Variants in SLC29A3 observed in about 807,000 individuals in gnomAD.
The protein encoded by SLC29A3 is equilibrative nucleoside transporter 3.
A neutral mutation model predicts 25.4 loss-of-function variants in SLC29A3; 18 were observed. That is an observed-to-expected ratio of 0.71 (90% CI 0.49 to 1.05). The LOEUF (loss-of-function observed/expected upper bound fraction) is 1.05. Ranked by LOEUF, SLC29A3 falls within the 50% of genes least tolerant of loss-of-function variation. SLC29A3 has a pLI of 0.00. For synonymous variants in SLC29A3, 258 were observed against 267.1 expected, an observed-to-expected ratio of 0.97 and a Z score of 0.33; for missense variants, 586 against 609.0, an observed-to-expected ratio of 0.96 and a Z score of 0.40.
chr10:71,340,529 G>A (rs1846375422), intron 2 of SLC29A3, among the ~76,000 whole-genome samples: 1 of 152,178 alleles, frequency 6.6e-6, no homozygotes, highest in East Asian at 1.9e-4. Context: ...AATCAAAACA[G>A]ACTTTTGAGG....
At chr10:71,355,881 T>G (rs1220328686) in intron 4 of SLC29A3, among the ~76,000 whole-genome samples, 200 bp from the exon 5 acceptor site, 1 of 152,164 alleles carries the variant, frequency 6.6e-6, no homozygotes, top group Non-Finnish European at 1.5e-5. Flanking sequence ...AATGACCCCC[T>G]TGGAAACTCA....
At chr10:71,327,567 A>T (rs933359102) in intron 2 of SLC29A3, among the ~76,000 whole-genome samples, 3 of 152,194 alleles carry the variant, frequency 2.0e-5, no homozygotes, top group African/African-American at 7.2e-5. Context: ...CCAGAGGCTC[A>T]GAGAGGCTAG....
rs1845871532 is a variant in SLC29A3, at chr10:71,322,657, G to A, written c.2-99G>A. On this transcript the variant is annotated intron_variant, in intron 1 of 5. Transcript: ENST00000373189. ...TGACTTTACAGAGCCCAGGGTGAGGGGGCATGGTCATTTTGTAGGCTGGGT... is the reference window on the plus strand; with the variant it reads ...TGACTTTACAGAGCCCAGGGTGAGGAGGCATGGTCATTTTGTAGGCTGGGT... The A allele has an allele frequency of 2.2e-6, 3 of 1,391,988 alleles. No homozygotes were observed. The East Asian group carries it at 6.8e-5, about 32-fold the overall frequency. 86.2% of individuals were successfully genotyped at this position (1,391,988 alleles called of 1,614,324 possible).
intron 5 of SLC29A3, among the ~76,000 whole-genome samples, chr10:71,359,632 G>T (rs773025417): frequency 1.2e-4 from 18 of 152,222 alleles, no homozygotes; most frequent in Admixed American, 1.2e-3. Flanking sequence ...ACCCACATGG[G>T]TGTTATCTGC....
chr10:71,367,125 G>C (rs1368061896), downstream of SLC29A3, among the ~76,000 whole-genome samples: 1 of 152,200 alleles, frequency 6.6e-6, no homozygotes, highest in Non-Finnish European at 1.5e-5. Context: ...TTTCAAAGAA[G>C]TGGAGGAGGC....
chr10:71,368,708 C>T (rs999819192), intron 3 of SLC29A3, among the ~76,000 whole-genome samples: 8 of 152,192 alleles, frequency 5.3e-5, no homozygotes, highest in African/African-American at 1.7e-4. Context: ...AACAAAGATG[C>T]CCTTTAGAAA....
chr10:71,328,397 C>T (rs1846022426), intron 2 of SLC29A3, among the ~76,000 whole-genome samples: 1 of 152,220 alleles, frequency 6.6e-6, no homozygotes, highest in African/African-American at 2.4e-5. Flanking sequence ...CCATCACGTT[C>T]CTGCCCTACA....
chr10:71,339,013 G>A (rs1039616998), intron 2 of SLC29A3, among the ~76,000 whole-genome samples: 19 of 152,220 alleles, frequency 1.2e-4, no homozygotes, highest in Non-Finnish European at 1.6e-4. Flanking sequence ...TTATACATTT[G>A]TAGGGGGATG....
At chr10:71,344,556 T>G (rs1303386145) in intron 3 of SLC29A3, among the ~76,000 whole-genome samples, 1 of 152,202 alleles carries the variant, frequency 6.6e-6, no homozygotes, top group Non-Finnish European at 1.5e-5. Flanking sequence ...TGTGTGGGGA[T>G]GCAGGGGTCT....
chr10:71,329,340 C>G (rs1446388650), intron 2 of SLC29A3, among the ~76,000 whole-genome samples: 1 of 151,534 alleles, frequency 6.6e-6, no homozygotes, highest in Non-Finnish European at 1.5e-5. Flanking sequence ...TGCCTGTAAT[C>G]CCAGCTACCC....
chr10:71,371,070 C>T (rs761724880), intron 3 of SLC29A3, among the ~76,000 whole-genome samples: 3 of 152,280 alleles, frequency 2.0e-5, no homozygotes, highest in South Asian at 4.1e-4. Context: ...TGTGAGTCAT[C>T]GCGCTTGGCC....
At chr10:71,332,868 G>T (rs768492703) in intron 2 of SLC29A3, among the ~76,000 whole-genome samples, 11 of 152,230 alleles carry the variant, frequency 7.2e-5, no homozygotes, top group Non-Finnish European at 2.9e-5. Flanking sequence ...AACGCTGTCA[G>T]TCATGCCTTT....
rs749057267 is a variant in SLC29A3, at chr10:71,323,006, C to G, written c.252C>G (p.Asn84Lys). The G allele has an allele frequency of 1.6e-5, 26 of 1,613,866 alleles. No homozygotes were observed. Among genetic ancestry groups the G allele is most frequent in the Non-Finnish European group, 2.2e-5 (26 of 1,180,056 alleles). ...AGTACTGGATGTTCAAACTCCGCAA[C>G]TCCTCCAGCCCAGCCACCGGGGAGG... ...AKEYWMFKLR[N>K]SSSPATGEDP... Residue 84 changes from asparagine (N) to lysine (K), a missense_variant, in exon 2 of 6, where the codon AAC becomes AAG. Asn to Lys is a moderately conservative substitution (Grantham distance 94). Transcript: ENST00000373189.
intron 2 of SLC29A3, among the ~76,000 whole-genome samples, chr10:71,337,822 T>A (rs1846293029): frequency 6.6e-6 from 1 of 152,192 alleles, no homozygotes. Context: ...ACGGAGCCTC[T>A]CAGTGTGGCG....
chr10:71,349,957 A>AC (rs374526697), intron 3 of SLC29A3, among the ~76,000 whole-genome samples: 126 of 152,314 alleles, frequency 8.3e-4, no homozygotes, highest in African/African-American at 2.9e-3. Context: ...CAGTGAGATG[A>AC]CATATCTGTT....
chr10:71,359,109 G>A (rs557062307), intron 5 of SLC29A3, among the ~76,000 whole-genome samples: 16 of 152,140 alleles, frequency 1.1e-4, no homozygotes, highest in African/African-American at 1.4e-4. Flanking sequence ...GAGTTTCACC[G>A]TGTTGGCCAG....
intron 2 of SLC29A3, among the ~76,000 whole-genome samples, chr10:71,335,695 G>A (rs966821989): frequency 9.9e-5 from 15 of 152,164 alleles, no homozygotes; most frequent in Admixed American, 7.9e-4. Flanking sequence ...ATGACCATGG[G>A]GCCTTCAGAG....
intron 3 of SLC29A3, among the ~76,000 whole-genome samples, 156 bp downstream of exon 3, chr10:71,344,447 A>G (rs1846509734): frequency 6.6e-6 from 1 of 152,236 alleles, no homozygotes. Flanking sequence ...GTGAGAAGTC[A>G]GATCAGATCC....
At chr10:71,331,128 C>T (rs999804917) in intron 2 of SLC29A3, among the ~76,000 whole-genome samples, 4 of 152,088 alleles carry the variant, frequency 2.6e-5, no homozygotes, top group East Asian at 3.9e-4. Context: ...CATGAAGCTG[C>T]GTCTGTACTT....
Sources: gnomAD v4.1 joint callset for allele counts (sites outside exome capture counted in the v4.1 genomes callset) on GRCh38, gnomAD v4.1.1 for gene constraint, MANE v1.5 for transcripts, NCBI Gene and HGNC (gene_info 2026-07-23, HGNC 2026-07-21) for gene names.